Variants in ERI1 observed in about 807,000 individuals in gnomAD.
ERI1 encodes the protein exoribonuclease 1, also known as 3'-5' exoribonuclease 1.
In ERI1, 39 loss-of-function variants were observed where a neutral mutation model predicts 39.7. The observed-to-expected ratio is 0.98, with a 90% CI of 0.76 to 1.28. ERI1 has a LOEUF of 1.28. Among genes scored for constraint, ERI1 ranks in the 50% most tolerant of loss-of-function variants. The pLI is 0.00. For missense variants in ERI1, 581 were observed against 416.9 expected (o/e 1.39, Z -3.43); for synonymous variants, 204 against 149.6 (o/e 1.36, Z -2.65).
At chr8:9,018,713 G>C (rs1817564699) in intron 5 of ERI1, among the ~76,000 whole-genome samples, 1 of 152,146 alleles carries the variant, frequency 6.6e-6, no homozygotes, top group African/African-American at 2.4e-5. Context: ...GCTTGGCCTT[G>C]AAGCCTCTTT....
chr8:9,092,441 T>C (rs916780832), intron 3 of ERI1, among the ~76,000 whole-genome samples: 4 of 152,166 alleles, frequency 2.6e-5, no homozygotes, highest in Admixed American at 6.5e-5. Flanking sequence ...TGAGCAAATA[T>C]CTTGTTTATA....
At chr8:9,075,640 A>G (rs376906660) in intron 3 of ERI1, among the ~76,000 whole-genome samples, 1 of 152,194 alleles carries the variant, frequency 6.6e-6, no homozygotes, top group Non-Finnish European at 1.5e-5. Context: ...TAGGAAAGCC[A>G]CAAAGAATCC....
intron 5 of ERI1, among the ~76,000 whole-genome samples, chr8:9,019,567 C>A (rs562364266): frequency 2.0e-5 from 3 of 152,158 alleles, no homozygotes; most frequent in Non-Finnish European, 2.9e-5. Flanking sequence ...AAAAACCAAT[C>A]ATTAGAGTCT....
intron 3 of ERI1, among the ~76,000 whole-genome samples, chr8:9,065,958 T>C (rs940029596): frequency 2.0e-5 from 3 of 152,142 alleles, no homozygotes; most frequent in Admixed American, 6.5e-5. Context: ...ATGTCTAGTT[T>C]ATGAGAAGGG....
intron 1 of ERI1, chr8:9,004,444 A>G (rs192119174): frequency 6.2e-4 from 143 of 229,372 alleles, no homozygotes; most frequent in African/African-American, 3.4e-3. Flanking sequence ...TGACGGTAGT[A>G]ATTGTTAAAA....
intron 1 of ERI1, among the ~76,000 whole-genome samples, chr8:9,004,548 C>G (rs1205449615): frequency 4.7e-5 from 7 of 148,318 alleles, no homozygotes; most frequent in African/African-American, 1.8e-4. Context: ...TCCCGTAGTC[C>G]CAGCTACTGG....
intron 5 of ERI1, among the ~76,000 whole-genome samples, 165 bp downstream of exon 5, chr8:9,018,571 G>C (rs762539039): frequency 5.9e-5 from 9 of 152,184 alleles, no homozygotes; most frequent in Non-Finnish European, 4.4e-5. Context: ...AAGAGAGGAA[G>C]AAAACAGTGG....
At chr8:9,015,447 C>T (rs1307965239) in intron 3 of ERI1, among the ~76,000 whole-genome samples, 3 of 152,118 alleles carry the variant, frequency 2.0e-5, no homozygotes, top group South Asian at 4.1e-4. Flanking sequence ...AGATCGGAGC[C>T]TGATAACAAT....
At chr8:9,015,554 C>T (rs112889348) in intron 3 of ERI1, among the ~76,000 whole-genome samples, 33 of 151,864 alleles carry the variant, frequency 2.2e-4, no homozygotes, top group Middle Eastern at 3.4e-3. Context: ...AACCCAGTCT[C>T]TACTAAAAAT....
intron 3 of ERI1, among the ~76,000 whole-genome samples, chr8:9,038,363 G>C (rs55696609): frequency 0.14 from 20,863 of 152,124 alleles, 1,552 homozygotes; most frequent in African/African-American, 0.16. Flanking sequence ...TTCACATCCA[G>C]TTTTCATGTT....
intron 3 of ERI1, among the ~76,000 whole-genome samples, chr8:9,064,713 T>C (rs1025914166): frequency 6.6e-6 from 1 of 152,084 alleles, no homozygotes; most frequent in Non-Finnish European, 1.5e-5. Flanking sequence ...TAGGTGGATC[T>C]TTTTCACGGA....
At chr8:9,044,932 C>T (rs555067835) in intron 3 of ERI1, among the ~76,000 whole-genome samples, 5 of 151,960 alleles carry the variant, frequency 3.3e-5, no homozygotes, top group Non-Finnish European at 7.4e-5. Context: ...GTCCTGACCA[C>T]GAAGCCCTTA....
At chr8:9,033,669 G>A (rs566715854), downstream of ERI1, among the ~76,000 whole-genome samples, 9 of 152,336 alleles carry the variant, frequency 5.9e-5, no homozygotes, top group South Asian at 1.2e-3. Context: ...ATTCTCTGCA[G>A]TTTACAGATG....
In ERI1 at chr8:9,096,483, A is replaced by G. The variant is rs545983151; in HGVS notation, n.300-19865A>G. Among the ~76,000 whole-genome samples, 8 of 152,240 alleles carry G rather than the reference A, an allele frequency of 5.3e-5. No individual in the cohort carries two copies. In the South Asian group the frequency reaches 1.7e-3, roughly 32 times the overall value. Reference sequence around the variant, plus strand: ...TCTTTCCCATGGAGGTAGTCACAGGAGAGGCACCATGAAAGAACTTGGACA... The same window carrying G: ...TCTTTCCCATGGAGGTAGTCACAGGGGAGGCACCATGAAAGAACTTGGACA... On this transcript the variant is annotated intron_variant and non_coding_transcript_variant, in intron 3 of 3. Coordinates refer to the ERI1 transcript ENST00000518663.
chr8:9,064,259 C>A (rs2921371), intron 3 of ERI1, among the ~76,000 whole-genome samples: 90,266 of 148,996 alleles, frequency 0.61, 27,800 homozygotes, highest in South Asian at 0.76. Context: ...GTTTCTTGCC[C>A]CCCAGAAAAG....
intron 6 of ERI1, among the ~76,000 whole-genome samples, chr8:9,029,190 A>G (rs1217516033): frequency 2.0e-5 from 3 of 152,162 alleles, no homozygotes; most frequent in Non-Finnish European, 4.4e-5. Flanking sequence ...AAAAAGGTAG[A>G]TCTTCAACTT....
At chr8:9,019,235 A>G (rs1666396185) in intron 5 of ERI1, among the ~76,000 whole-genome samples, 1 of 152,202 alleles carries the variant, frequency 6.6e-6, no homozygotes, top group African/African-American at 2.4e-5. Flanking sequence ...TTAAGGTTGA[A>G]AAGAACGTCC....
rs902243835 is a variant in ERI1, at chr8:9,002,933, T to G, written c.-131T>G. On this transcript the variant is annotated 5_prime_UTR_variant, in exon 1 of 7. Transcript: ENST00000250263. ...GAAGTGGGAGGTGGCCGCTGGAGTT[T>G]GTGTGGCCGCCGCCGCGGGAACGCG... 4.9e-6 allele frequency: 3 copies of G among 614,734 alleles called. No homozygotes were observed. The highest frequency in any genetic ancestry group is 3.8e-5 in the African/African-American group (2 of 52,706). The allele number at this position is 614,734 out of a possible 1,614,324, so 38.1% of individuals were successfully genotyped here.
chr8:9,010,567 AAG>A (rs1816558104), intron 2 of ERI1, among the ~76,000 whole-genome samples: 1 of 152,152 alleles, frequency 6.6e-6, no homozygotes, highest in South Asian at 2.1e-4. Context: ...AAAGACTAAA[AAG>A]GTTTTTTTTA....
Sources: gnomAD v4.1 joint callset for allele counts (sites outside exome capture counted in the v4.1 genomes callset) on GRCh38, gnomAD v4.1.1 for gene constraint, MANE v1.5 for transcripts, NCBI Gene and HGNC (gene_info 2026-07-23, HGNC 2026-07-21) for gene names.